Variants in HACD1 observed in about 807,000 individuals in gnomAD.
HACD1 encodes very-long-chain (3R)-3-hydroxyacyl-CoA dehydratase 1.
Under a neutral mutation model 32.0 loss-of-function variants are expected in HACD1, and 41 were observed. The ratio of observed to expected loss-of-function variants is 1.28; its 90% CI spans 1.00 to 1.66. The LOEUF (loss-of-function observed/expected upper bound fraction) is 1.66, where lower values mean the gene tolerates loss of function less well. Ranked by LOEUF, HACD1 falls within the 40% of genes most tolerant of loss-of-function variation. HACD1 has a pLI of 0.00. For synonymous variants in HACD1, 142 were observed against 139.0 expected, an observed-to-expected ratio of 1.02 and a Z score of -0.15; for missense variants, 396 against 380.1, an observed-to-expected ratio of 1.04 and a Z score of -0.35.
chr10:17,611,058 T>C (rs1834228142), intron 1 of HACD1, among the ~76,000 whole-genome samples: 1 of 148,018 alleles, frequency 6.8e-6, no homozygotes, highest in Non-Finnish European at 1.5e-5. Context: ...TGGAGTGCAG[T>C]GGCATGGTCT....
intron 1 of HACD1, among the ~76,000 whole-genome samples, chr10:17,605,520 A>C (rs1834133545): frequency 7.5e-6 from 1 of 132,728 alleles, no homozygotes; most frequent in African/African-American, 3.0e-5. Context: ...GCAAGACTCC[A>C]TCTCGGGAAA....
intron 6 of HACD1, among the ~76,000 whole-genome samples, chr10:17,591,728 C>T (rs572211153): frequency 2.4e-4 from 24 of 99,780 alleles, no homozygotes; most frequent in African/African-American, 6.8e-4. Context: ...AACCAATGAA[C>T]CTTATCACAA....
chr10:17,610,150 C>T (rs1169768405), intron 1 of HACD1, among the ~76,000 whole-genome samples: 1 of 152,090 alleles, frequency 6.6e-6, no homozygotes, highest in Non-Finnish European at 1.5e-5. Flanking sequence ...CTGAAGAGAG[C>T]CCAAATGTCC....
Position 17,599,351 on chromosome 10 carries a change from G to A in HACD1, c.544C>T (p.Arg182Cys), listed in dbSNP as rs990190479. ...AGGCTGAATGTGTAGAAGGAATAGCGAGTGATCTCTGTCACAGTCCACGCG... is the reference window on the plus strand; with the variant it reads ...AGGCTGAATGTGTAGAAGGAATAGCAAGTGATCTCTGTCACAGTCCACGCG... ...LVAWTVTEIT[R>C]YSFYTFSLLD... Residue 182 changes from arginine (R) to cysteine (C), a missense_variant, in exon 5 of 7, where the codon CGC becomes TGC. By Grantham distance (180) the Arg-to-Cys change is radical. Coordinates refer to ENST00000361271, the MANE Select transcript of HACD1 (RefSeq NM_014241.4). 3 of 1,613,822 alleles carry A rather than the reference G, an allele frequency of 1.9e-6. No homozygotes were observed. Among genetic ancestry groups the A allele is most frequent in the Non-Finnish European group, 2.5e-6 (3 of 1,180,004 alleles).
At chr10:17,612,105 C>CAAAA (rs34058469) in intron 1 of HACD1, among the ~76,000 whole-genome samples, 3 of 105,108 alleles carry the variant, frequency 2.9e-5, no homozygotes, top group Non-Finnish European at 5.8e-5. Flanking sequence ...AACTCCATCT[C>CAAAA]AAAAAAAAAA....
intron 4 of HACD1, among the ~76,000 whole-genome samples, chr10:17,599,664 G>C (rs1290783579): frequency 6.6e-6 from 1 of 152,112 alleles, no homozygotes; most frequent in Admixed American, 6.6e-5. Context: ...AGGAAATAAC[G>C]CTATCATCAG....
At chr10:17,596,114 A>T (rs1554815983) in intron 5 of HACD1, among the ~76,000 whole-genome samples, 1 of 152,252 alleles carries the variant, frequency 6.6e-6, no homozygotes, top group Non-Finnish European at 1.5e-5. Flanking sequence ...ATTAGGAAAT[A>T]TCTATAAAGA....
Position 17,617,244 on chromosome 10 carries a change from C to A in HACD1, c.96G>T (p.Thr32=). 4.0e-6 allele frequency: 6 copies of A among 1,481,512 alleles called. No individual in the cohort carries two copies. The highest frequency in any genetic ancestry group is 5.4e-6 in the Non-Finnish European group (6 of 1,121,474). The allele number at this position is 1,481,512 out of a possible 1,614,324, so 91.8% of individuals were successfully genotyped here. The part of the protein sequence containing the change: ...SPPTLLPLSP[T]SPRCAATMAS... The stretch of plus-strand genomic sequence containing the variant: ...CCATGGTGGCCGCGCACCTGGGGGA[C>A]GTGGGAGACAGCGGCAGGAGCGTGG... Residue 32 remains threonine, a synonymous_variant, in exon 1 of 7, where the codon ACG becomes ACT. Transcript: ENST00000361271.
chr10:17,598,278 A>AAAAAAG (rs370233736), intron 5 of HACD1, among the ~76,000 whole-genome samples: 5 of 146,378 alleles, frequency 3.4e-5, no homozygotes, highest in Non-Finnish European at 4.6e-5. Flanking sequence ...AAAAAAAAAA[A>AAAAAAG]AGAGAAAAAA....
chr10:17,613,808 A>G (rs1322575734), intron 1 of HACD1, among the ~76,000 whole-genome samples: 2 of 152,238 alleles, frequency 1.3e-5, no homozygotes, highest in Non-Finnish European at 2.9e-5. Flanking sequence ...AGATTTGATT[A>G]GAAGTCATGG....
intron 1 of HACD1, among the ~76,000 whole-genome samples, chr10:17,612,839 G>C (rs1833007225): frequency 6.6e-6 from 1 of 151,146 alleles, no homozygotes; most frequent in African/African-American, 2.4e-5. Context: ...GGAGAATGGC[G>C]AGAATCCGGG....
chr10:17,610,100 T>G (rs1313181119), intron 1 of HACD1, among the ~76,000 whole-genome samples: 1 of 151,994 alleles, frequency 6.6e-6, no homozygotes, highest in East Asian at 1.9e-4. Flanking sequence ...TACATAGACA[T>G]GTACATGCAT....
In HACD1 at chr10:17,617,359, C is replaced by A; in HGVS notation, c.-20G>T. On this transcript the variant is annotated 5_prime_UTR_variant, in exon 1 of 7. Coordinates refer to ENST00000361271, the MANE Select transcript of HACD1 (RefSeq NM_014241.4). The stretch of plus-strand genomic sequence containing the variant: ...CCCCATGTGCAGCGCGCAGGGGGCT[C>A]GGCGCAGCCAGCTCTACCGACCGCG... 3 of 1,344,954 alleles carry A rather than the reference C, an allele frequency of 2.2e-6. No individual in the cohort carries two copies. The highest frequency in any genetic ancestry group is 1.8e-5 in the South Asian group (1 of 54,230). 83.3% of individuals were successfully genotyped at this position (1,344,954 alleles called of 1,614,324 possible).
intron 3 of HACD1, 25 bp from the exon 4 acceptor site, chr10:17,603,673 A>G (rs782294714): frequency 1.7e-5 from 28 of 1,607,594 alleles, no homozygotes; most frequent in Non-Finnish European, 2.4e-5. Context: ...CAAGTGAACT[A>G]TTGCCCTAAA....
chr10:17,616,212 T>A (rs1422622124), intron 1 of HACD1, among the ~76,000 whole-genome samples: 1 of 141,680 alleles, frequency 7.1e-6, no homozygotes, highest in Non-Finnish European at 1.5e-5. Context: ...GAGCTTGTAG[T>A]GAGCCGAGAT....
chr10:17,591,115 C>T (rs1833922653), intron 6 of HACD1, among the ~76,000 whole-genome samples: 1 of 152,128 alleles, frequency 6.6e-6, no homozygotes, highest in South Asian at 2.1e-4. Flanking sequence ...AAACTGGCCC[C>T]ACCCAGCCTC....
intron 1 of HACD1, among the ~76,000 whole-genome samples, chr10:17,606,382 C>G (rs1348184768): frequency 6.6e-6 from 1 of 152,084 alleles, no homozygotes. Context: ...TCCAGTTTCC[C>G]CTGCAATTCC....
intron 6 of HACD1, 111 bp downstream of exon 6, chr10:17,594,094 A>T: frequency 9.8e-7 from 1 of 1,023,598 alleles, no homozygotes. Flanking sequence ...CCGAAGTTTT[A>T]ATGTATTTGT....
intron 1 of HACD1, among the ~76,000 whole-genome samples, chr10:17,606,139 A>G (rs1052271056): frequency 6.6e-6 from 1 of 152,170 alleles, no homozygotes; most frequent in Non-Finnish European, 1.5e-5. Flanking sequence ...GTGCCACTGC[A>G]GTCCAGGCTG....
Sources: gnomAD v4.1 joint callset for allele counts (sites outside exome capture counted in the v4.1 genomes callset) on GRCh38, gnomAD v4.1.1 for gene constraint, MANE v1.5 for transcripts, NCBI Gene and HGNC (gene_info 2026-07-23, HGNC 2026-07-21) for gene names.